Variants in WRNIP1 observed in about 807,000 individuals in gnomAD.
The protein encoded by WRNIP1 is WRN helicase interacting protein 1, also known as ATPase WRNIP1.
In WRNIP1, 41 loss-of-function variants were observed where a neutral mutation model predicts 56.1. The observed-to-expected ratio is 0.73, with a 90% CI of 0.57 to 0.95. The LOEUF is 0.95. WRNIP1 is among the 40% of genes least tolerant of loss of function. WRNIP1 has a pLI of 0.00. For synonymous variants in WRNIP1, 547 were observed against 398.1 expected, an observed-to-expected ratio of 1.37 and a Z score of -4.45; for missense variants, 1,170 against 939.4, an observed-to-expected ratio of 1.25 and a Z score of -3.21.
intron 4 of WRNIP1, among the ~76,000 whole-genome samples, chr6:2,780,448 C>G (rs997998885): frequency 6.6e-6 from 1 of 152,178 alleles, no homozygotes; most frequent in Non-Finnish European, 1.5e-5. Flanking sequence ...AGCTTTTTGG[C>G]TTTAGCGTGC....
intron 3 of WRNIP1, among the ~76,000 whole-genome samples, chr6:2,770,744 T>C (rs1765250107): frequency 6.6e-6 from 1 of 152,186 alleles, no homozygotes; most frequent in Non-Finnish European, 1.5e-5. Context: ...AGACTTACCA[T>C]ACAACTCTTT....
chr6:2,777,834 T>C (rs1335273630), intron 3 of WRNIP1, among the ~76,000 whole-genome samples: 2 of 152,200 alleles, frequency 1.3e-5, no homozygotes, highest in African/African-American at 4.8e-5. Flanking sequence ...GAGAGAATGC[T>C]ACCATCAGGA....
chr6:2,779,172 C>A, intron 3 of WRNIP1, 91 bp from the exon 4 acceptor site: 2 of 1,343,712 alleles, frequency 1.5e-6, no homozygotes, highest in Non-Finnish European at 2.1e-6. Flanking sequence ...TCTTCAGTGT[C>A]CTTGCTGAGA....
At chr6:2,783,653 T>TTTTCTGGG in intron 5 of WRNIP1, 92 bp downstream of exon 5, 1 of 119,820 alleles carries the variant, frequency 8.3e-6, no homozygotes, top group Admixed American at 2.9e-4. Flanking sequence ...TTTTTTTTTT[T>TTTTCTGGG]GCAGGGCGGG....
At chr6:2,766,528 C>T (rs1765002837) in intron 1 of WRNIP1, 84 bp downstream of exon 1, 2 of 1,417,024 alleles carry the variant, frequency 1.4e-6, no homozygotes, top group South Asian at 3.0e-5. Flanking sequence ...GTGTGCTGCC[C>T]TCGAAAGAAG....
intron 3 of WRNIP1, chr6:2,773,417 G>A: frequency 1.0e-6 from 1 of 985,446 alleles, no homozygotes; most frequent in Non-Finnish European, 1.2e-6. Context: ...CCTCCTAGAT[G>A]AGGGGATGCG....
In WRNIP1 at chr6:2,766,067, G is replaced by A. The variant is rs1764952221; in HGVS notation, c.445G>A (p.Ala149Thr). ...SGKRPAAAAA[A>T]GSASPRSWDE... ...GAAGAGGCCGGCGGCCGCCGCCGCGGCGGGGAGCGCGTCTCCGCGCAGCTG... is the reference window on the plus strand; with the variant it reads ...GAAGAGGCCGGCGGCCGCCGCCGCGACGGGGAGCGCGTCTCCGCGCAGCTG... Residue 149 changes from alanine (A) to threonine (T), a missense_variant, in exon 1 of 7, where the codon GCG (alanine) becomes ACG (threonine). Coordinates refer to ENST00000380773, the MANE Select transcript of WRNIP1 (RefSeq NM_020135.3). 8 of 1,295,392 alleles carry A rather than the reference G, an allele frequency of 6.2e-6. No individual in the cohort carries two copies. Among genetic ancestry groups the A allele is most frequent in the Non-Finnish European group, 7.8e-6 (8 of 1,026,234 alleles). 80.2% of individuals were successfully genotyped at this position (1,295,392 alleles called of 1,614,324 possible). A position where few individuals can be genotyped will look rare whatever the true frequency, so the allele number is the denominator to read the frequency against.
chr6:2,779,863 TAAA>T (rs1015036075), intron 4 of WRNIP1, among the ~76,000 whole-genome samples: 3 of 152,228 alleles, frequency 2.0e-5, no homozygotes, highest in African/African-American at 7.2e-5. Flanking sequence ...CGGCAGTAAA[TAAA>T]AAGAGGACTT....
chr6:2,770,424 G>A (rs1212480729), intron 3 of WRNIP1, 63 bp downstream of exon 3: 1 of 1,592,862 alleles, frequency 6.3e-7, no homozygotes, highest in Non-Finnish European at 8.6e-7. Context: ...CTGGCAGGGG[G>A]CCAGAAAGGG....
At chr6:2,783,633 G>GTTT (rs1561917797) in intron 5 of WRNIP1, 72 bp downstream of exon 5, 5 of 92,114 alleles carry the variant, frequency 5.4e-5, no homozygotes, top group African/African-American at 7.6e-4. Flanking sequence ...TTACATCGTG[G>GTTT]CTTTTTTTTT....
chr6:2,769,610 G>A (rs1229888585), intron 2 of WRNIP1, among the ~76,000 whole-genome samples: 3 of 152,034 alleles, frequency 2.0e-5, no homozygotes, highest in African/African-American at 7.3e-5. Context: ...TTCTGACGAG[G>A]CGTTAGCATT....
Position 2,785,063 on chromosome 6 carries a change from G to A in WRNIP1, c.1779G>A (p.Val593=). 6.2e-7 allele frequency: 1 copy of A among 1,614,172 alleles called. No individual in the cohort carries two copies. The highest frequency in any genetic ancestry group is 8.5e-7 in the Non-Finnish European group (1 of 1,180,042). ...YFARAPKSIE[V]YSAYNNVKAC... Reference sequence around the variant, plus strand: ...CCAGAGCCCCAAAGTCCATTGAGGTGTACAGCGCCTACAACAACGTCAAAG... The same window carrying A: ...CCAGAGCCCCAAAGTCCATTGAGGTATACAGCGCCTACAACAACGTCAAAG... Residue 593 remains valine (V), a synonymous_variant, in exon 7 of 7, where the codon GTG becomes GTA. Coordinates refer to ENST00000380773, the MANE Select transcript of WRNIP1 (RefSeq NM_020135.3).
chr6:2,781,213 G>A lies in WRNIP1; in HGVS notation c.1486+1721G>A, dbSNP rs531741844. 9.2e-5 allele frequency among the ~76,000 whole-genome samples: 14 copies of A among 152,306 alleles called. No homozygotes were observed. The East Asian group carries it at 1.9e-3, about 21-fold the overall frequency. ...AGGAATCCCACTTCCTGAGCTCCAC[G>A]TTGCAGAGCTCTGCACAGTGGGGAT... On this transcript the variant is annotated intron_variant, in intron 4 of 6. Coordinates refer to ENST00000380773, the MANE Select transcript of WRNIP1 (RefSeq NM_020135.3).
Position 2,765,520 on chromosome 6 carries a change from G to A in WRNIP1, c.-103G>A, listed in dbSNP as rs1322416920. 16 of 1,289,876 alleles carry A rather than the reference G, an allele frequency of 1.2e-5. No homozygotes were observed. The highest frequency in any genetic ancestry group is 1.6e-5 in the Non-Finnish European group (16 of 1,020,644). 79.9% of individuals were successfully genotyped at this position (1,289,876 alleles called of 1,614,324 possible). On this transcript the variant is annotated 5_prime_UTR_variant, in exon 1 of 7. Coordinates refer to ENST00000380773, the MANE Select transcript of WRNIP1 (RefSeq NM_020135.3). ...CGCGAGCGTCCTGCTGGTTCCCCGA[G>A]CGAGGGTCTCGCGGCGCGGGGCCTA...
At position 2,770,287 on chromosome 6, in the gene WRNIP1, C is replaced by A. The variant is rs749352305; in HGVS notation, c.1182C>A (p.Asn394Lys). The A allele has an allele frequency of 1.2e-6, 2 of 1,614,208 alleles. No individual in the cohort carries two copies. The highest frequency in any genetic ancestry group is 2.2e-5 in the South Asian group (2 of 91,080). Residue 394 changes from asparagine to lysine, a missense_variant, in exon 3 of 7, where the codon AAC becomes AAA. Coordinates refer to ENST00000380773, the MANE Select transcript of WRNIP1 (RefSeq NM_020135.3). ...AMVTILMRAI[N>K]SLGIHVLDSS... The stretch of plus-strand genomic sequence containing the variant: ...TGACTATTTTAATGCGAGCGATCAA[C>A]TCCCTGGGAATCCACGTCCTAGACT...
In WRNIP1 at chr6:2,765,521, C is replaced by T. The variant is rs368491942; in HGVS notation, c.-102C>T. 1.3e-5 allele frequency: 17 copies of T among 1,288,562 alleles called. No homozygotes were observed. The highest frequency in any genetic ancestry group is 6.7e-5 in the East Asian group (2 of 29,818). The allele number at this position is 1,288,562 out of a possible 1,614,324, so 79.8% of individuals were successfully genotyped here. A position where few individuals can be genotyped will look rare whatever the true frequency, so the allele number is the denominator to read the frequency against. Reference sequence around the variant, plus strand: ...GCGAGCGTCCTGCTGGTTCCCCGAGCGAGGGTCTCGCGGCGCGGGGCCTAG... The same window carrying T: ...GCGAGCGTCCTGCTGGTTCCCCGAGTGAGGGTCTCGCGGCGCGGGGCCTAG... On this transcript the variant is annotated 5_prime_UTR_variant, in exon 1 of 7. Transcript: ENST00000380773.
intron 4 of WRNIP1, among the ~76,000 whole-genome samples, chr6:2,780,959 A>C (rs6923119): frequency 1.5e-4 from 23 of 152,218 alleles, no homozygotes; most frequent in African/African-American, 5.3e-4. Context: ...AAATTGCTTT[A>C]TGGAGATAGC....
chr6:2,772,957 T>G, intron 3 of WRNIP1: 1 of 985,382 alleles, frequency 1.0e-6, no homozygotes, highest in Non-Finnish European at 1.2e-6. Context: ...GGTGTGCATT[T>G]GTATTCTTGT....
Position 2,784,428 on chromosome 6 carries a change from C to T in WRNIP1, c.1722+25C>T, listed in dbSNP as rs367814620. ...GGTAAAGTAATCAGCTCATTTCTTG[C>T]AAATCACTTCTTTTCTCTCTCGTGC... On this transcript the variant is annotated intron_variant, in intron 6 of 6. Coordinates refer to ENST00000380773, the MANE Select transcript of WRNIP1 (RefSeq NM_020135.3). The T allele has an allele frequency of 1.1e-5, 18 of 1,607,512 alleles. No homozygotes were observed. In the African/African-American group the frequency reaches 2.1e-4, roughly 19 times the overall value.
Sources: gnomAD v4.1 joint callset for allele counts (sites outside exome capture counted in the v4.1 genomes callset) on GRCh38, gnomAD v4.1.1 for gene constraint, MANE v1.5 for transcripts, NCBI Gene and HGNC (gene_info 2026-07-23, HGNC 2026-07-21) for gene names.